The following IRAK1BP1 variants were observed in gnomAD, a reference collection of about 807,000 sequenced individuals.
IRAK1BP1 encodes interleukin-1 receptor-associated kinase 1-binding protein 1.
IRAK1BP1 carries 24 observed loss-of-function variants against 28.0 expected under a neutral mutation model. The ratio of observed to expected loss-of-function variants is 0.86; its 90% CI spans 0.62 to 1.20. The LOEUF (loss-of-function observed/expected upper bound fraction) is 1.20. Among genes scored for constraint, IRAK1BP1 ranks in the 50% most tolerant of loss-of-function variants. The probability of loss-of-function intolerance (pLI) is 0.00; values close to 1 mark genes in which losing one functional copy is unlikely to be tolerated. For synonymous variants in IRAK1BP1, 131 were observed against 116.3 expected (o/e 1.13, Z -0.81); for missense variants, 336 against 316.7 (o/e 1.06, Z -0.46).
intron 1 of IRAK1BP1, chr6:78,872,029 G>C: frequency 1.5e-6 from 1 of 657,882 alleles, no homozygotes; most frequent in South Asian, 1.7e-5. Flanking sequence ...CTCTCCCCCA[G>C]CCCCAGCAGC....
At chr6:78,920,532 T>A (rs1772695659) in intron 4 of IRAK1BP1, among the ~76,000 whole-genome samples, 1 of 152,136 alleles carries the variant, frequency 6.6e-6, no homozygotes, top group South Asian at 2.1e-4. Flanking sequence ...CAAGCAATGG[T>A]GAAAGGATTC....
chr6:78,955,098 A>G, the IRAK1BP1 span: 2 of 892,442 alleles, frequency 2.2e-6, no homozygotes, highest in Non-Finnish European at 3.3e-6. Flanking sequence ...GTTCTAAAAA[A>G]CATACATTTT....
chr6:78,911,001 C>G (rs1772401286), intron 4 of IRAK1BP1, among the ~76,000 whole-genome samples: 1 of 152,218 alleles, frequency 6.6e-6, no homozygotes, highest in Non-Finnish European at 1.5e-5. Flanking sequence ...TGCGGTGACG[C>G]CCATGCCTAG....
chr6:78,948,251 G>A (rs1343973443), downstream of IRAK1BP1, among the ~76,000 whole-genome samples: 1 of 152,038 alleles, frequency 6.6e-6, no homozygotes, highest in Non-Finnish European at 1.5e-5. Context: ...CTCAACTTCA[G>A]TACTAAAATT....
chr6:78,926,127 T>A (rs1456000351), intron 4 of IRAK1BP1, among the ~76,000 whole-genome samples: 2 of 152,064 alleles, frequency 1.3e-5, no homozygotes, highest in Non-Finnish European at 2.9e-5. Flanking sequence ...TTAGATAACA[T>A]CTCACACCAG....
rs538124768 is a variant in IRAK1BP1, at chr6:78,879,320, G to A, written c.316-6058G>A. Among the ~76,000 whole-genome samples the A allele has an allele frequency of 1.8e-4, 28 of 152,036 alleles. No homozygotes were observed. The South Asian group carries it at 5.2e-3, about 28-fold the overall frequency. On this transcript the variant is annotated intron_variant, in intron 1 of 3. Transcript: ENST00000369940. ...CGTATGTAACAAACCTGCACGTTGT[G>A]CACATGTACTGTAGAACTTAAAGTA...
In IRAK1BP1 at chr6:78,898,260, A is replaced by G. The variant is rs1156594102; in HGVS notation, c.709A>G (p.Thr237Ala). ...TGTACAACAAAAAATCAAAAGTGCA[A>G]CAATACATGCTGCTTCAAAAGTATT... is the stretch of plus-strand genomic sequence containing the variant. ...LTVQQKIKSATIHAASKVFIT... is the reference protein window; with the variant it reads ...LTVQQKIKSAAIHAASKVFIT... The change falls in exon 4 of 4, where the codon ACA becomes GCA. Residue 237 changes from threonine (T) to alanine (A), a missense_variant. Transcript: ENST00000369940. 1.2e-6 allele frequency: 2 copies of G among 1,613,036 alleles called. No individual in the cohort carries two copies. Among genetic ancestry groups the G allele is most frequent in the East Asian group, 2.2e-5 (1 of 44,836 alleles).
chr6:78,880,310 T>A (rs1771181371), intron 1 of IRAK1BP1, among the ~76,000 whole-genome samples: 1 of 152,216 alleles, frequency 6.6e-6, no homozygotes, highest in African/African-American at 2.4e-5. Context: ...AAATTCAAAA[T>A]TCTCCAAAGA....
At chr6:78,892,458 A>G (rs1436308763) in intron 2 of IRAK1BP1, among the ~76,000 whole-genome samples, 2 of 152,056 alleles carry the variant, frequency 1.3e-5, no homozygotes, top group African/African-American at 4.8e-5. Flanking sequence ...TTTAAATCAT[A>G]TTTTTTTCAT....
At chr6:78,967,719 T>C in the IRAK1BP1 span, among the ~76,000 whole-genome samples, 2 of 152,236 alleles carry the variant, frequency 1.3e-5, no homozygotes, top group African/African-American at 2.4e-5. Flanking sequence ...TAATTCTCTG[T>C]GATTTGTCCA....
exon 5 of IRAK1BP1, chr6:78,946,419 ATATT>A: frequency 7.1e-7 from 1 of 1,404,410 alleles, no homozygotes. Context: ...TTGAAAGTGA[ATATT>A]TAGTGAAGGA....
the IRAK1BP1 span, chr6:78,961,639 G>A: frequency 1.1e-5 from 18 of 1,588,092 alleles, no homozygotes; most frequent in Non-Finnish European, 1.5e-5. Context: ...GTAAATGGGT[G>A]GAAAGATCAC....
intron 4 of IRAK1BP1, among the ~76,000 whole-genome samples, chr6:78,911,736 G>A (rs773344422): frequency 9.2e-5 from 14 of 152,032 alleles, no homozygotes; most frequent in Non-Finnish European, 1.6e-4. Flanking sequence ...ACTCTGTACC[G>A]GGCACTGGGT....
chr6:78,971,760 G>A, the IRAK1BP1 span, among the ~76,000 whole-genome samples: 1 of 152,152 alleles, frequency 6.6e-6, no homozygotes, highest in African/African-American at 2.4e-5. Flanking sequence ...TCAAAGAAAG[G>A]GGTGACGGAC....
intron 1 of IRAK1BP1, among the ~76,000 whole-genome samples, chr6:78,877,919 G>GCTTA (rs551597784): frequency 1.4e-3 from 214 of 151,976 alleles, no homozygotes; most frequent in African/African-American, 4.7e-3. Flanking sequence ...ATATCGAACT[G>GCTTA]TAAGGCAGCA....
chr6:78,908,060 C>T (rs1019103482), downstream of IRAK1BP1, among the ~76,000 whole-genome samples: 10 of 129,266 alleles, frequency 7.7e-5, no homozygotes, highest in Admixed American at 2.3e-4. Flanking sequence ...ATTTATTTAT[C>T]TATTTTTTGA....
At chr6:78,910,092 G>A (rs1246349628) in intron 4 of IRAK1BP1, among the ~76,000 whole-genome samples, 1 of 152,156 alleles carries the variant, frequency 6.6e-6, no homozygotes, top group African/African-American at 2.4e-5. Context: ...TTTCACGGGA[G>A]AGGAGGGTTG....
intron 4 of IRAK1BP1, among the ~76,000 whole-genome samples, chr6:78,926,371 T>G (rs2089416): frequency 0.9 from 137,591 of 152,196 alleles, 62,232 homozygotes; most frequent in African/African-American, 0.92. Context: ...GCACTTGTAT[T>G]TTCATCACGG....
chr6:78,930,748 A>G (rs1430319421), intron 4 of IRAK1BP1, among the ~76,000 whole-genome samples: 1 of 152,070 alleles, frequency 6.6e-6, no homozygotes, highest in Non-Finnish European at 1.5e-5. Flanking sequence ...CCTGGCCAAC[A>G]TGGTGAAACC....
Sources: gnomAD v4.1 joint callset for allele counts (sites outside exome capture counted in the v4.1 genomes callset) on GRCh38, gnomAD v4.1.1 for gene constraint, MANE v1.5 for transcripts, NCBI Gene and HGNC (gene_info 2026-07-23, HGNC 2026-07-21) for gene names.